CCDC7: variants seen among roughly 807,000 people sequenced by gnomAD.
CCDC7 encodes coiled-coil domain containing 7, also known as coiled-coil domain-containing protein 7.
A neutral mutation model predicts 196.9 loss-of-function variants in CCDC7; 183 were observed. The observed-to-expected ratio is 0.93, with a 90% confidence interval of 0.82 to 1.05. The LOEUF is 1.05. Among genes scored for constraint, CCDC7 ranks in the 50% least tolerant of loss-of-function variants. The probability of loss-of-function intolerance (pLI) is 0.00; values close to 1 mark genes in which losing one functional copy is unlikely to be tolerated. For synonymous variants in CCDC7, 525 were observed against 484.6 expected, an observed-to-expected ratio of 1.08 and a Z score of -1.10; for missense variants, 1,540 against 1,482.2, an observed-to-expected ratio of 1.04 and a Z score of -0.64.
intron 18 of CCDC7, among the ~76,000 whole-genome samples, chr10:32,627,700 G>A (rs2064250861): frequency 6.7e-6 from 1 of 150,008 alleles, no homozygotes; most frequent in African/African-American, 2.5e-5. Context: ...GTAATTTGGT[G>A]AGAGTTTTTT....
At chr10:32,806,030 A>G (rs1412575284) in intron 30 of CCDC7, among the ~76,000 whole-genome samples, 1 of 152,162 alleles carries the variant, frequency 6.6e-6, no homozygotes, top group African/African-American at 2.4e-5. Flanking sequence ...ACTGGATCTC[A>G]CAAGAACTCA....
At chr10:32,465,624 TTA>T (rs1432566783) in intron 5 of CCDC7, among the ~76,000 whole-genome samples, 3 of 152,158 alleles carry the variant, frequency 2.0e-5, no homozygotes, top group Non-Finnish European at 4.4e-5. Context: ...CCTCAAAGTT[TTA>T]TCCTATGCCT....
intron 33 of CCDC7, among the ~76,000 whole-genome samples, chr10:32,842,145 T>C (rs1243289401): frequency 1.3e-5 from 2 of 151,980 alleles, no homozygotes; most frequent in Non-Finnish European, 2.9e-5. Context: ...AAAGAAATTA[T>C]CAGCAGAGTT....
At chr10:32,655,054 C>T (rs1486771204) in intron 20 of CCDC7, among the ~76,000 whole-genome samples, 3 of 152,136 alleles carry the variant, frequency 2.0e-5, no homozygotes, top group Non-Finnish European at 4.4e-5. Context: ...AGATATATAC[C>T]TTGACAGTGC....
intron 18 of CCDC7, among the ~76,000 whole-genome samples, chr10:32,602,748 C>G (rs1026993743): frequency 6.6e-6 from 1 of 152,060 alleles, no homozygotes; most frequent in Non-Finnish European, 1.5e-5. Flanking sequence ...AGTTGAGTAA[C>G]TTAATGTAGT....
At chr10:32,462,697 T>G in exon 4 of CCDC7, 1 of 1,457,522 alleles carries the variant, frequency 6.9e-7, no homozygotes, top group Non-Finnish European at 9.3e-7. Flanking sequence ...TGGAATCTCT[T>G]TTTAAGGTAC....
chr10:32,652,953 G>T (rs993876186), intron 20 of CCDC7, among the ~76,000 whole-genome samples: 1 of 152,130 alleles, frequency 6.6e-6, no homozygotes, highest in Admixed American at 6.5e-5. Flanking sequence ...ATCAGATTGA[G>T]TAACTTCCTT....
At chr10:32,554,208 G>A (rs559935980) in intron 13 of CCDC7, among the ~76,000 whole-genome samples, 2 of 152,340 alleles carry the variant, frequency 1.3e-5, no homozygotes, top group Non-Finnish European at 2.9e-5. Flanking sequence ...GACGGTGGGC[G>A]AGTTGGGCTT....
intron 20 of CCDC7, among the ~76,000 whole-genome samples, chr10:32,647,510 CTT>C (rs1044860162): frequency 6.1e-3 from 97 of 15,816 alleles, no homozygotes; most frequent in African/African-American, 0.013. Flanking sequence ...AGTTTTTTGA[CTT>C]TTTAATAATA....
chr10:32,733,961 C>T (rs887193731), intron 28 of CCDC7, among the ~76,000 whole-genome samples: 1 of 152,128 alleles, frequency 6.6e-6, no homozygotes, highest in Non-Finnish European at 1.5e-5. Context: ...GAAAAGAGAA[C>T]ACTTACACAC....
chr10:32,596,867 G>A (rs1269871084), intron 18 of CCDC7, among the ~76,000 whole-genome samples: 1 of 152,156 alleles, frequency 6.6e-6, no homozygotes, highest in Non-Finnish European at 1.5e-5. Context: ...ACTCTCTTCT[G>A]GCTTGTAGAG....
At chr10:32,489,871 C>T (rs2041882353) in intron 8 of CCDC7, among the ~76,000 whole-genome samples, 1 of 151,728 alleles carries the variant, frequency 6.6e-6, no homozygotes, top group South Asian at 2.1e-4. Flanking sequence ...ACTCTGTGGT[C>T]TGGGTCACAC....
At chr10:32,681,354 T>A (rs553803288) in intron 21 of CCDC7, among the ~76,000 whole-genome samples, 1 of 152,278 alleles carries the variant, frequency 6.6e-6, no homozygotes, top group Admixed American at 6.5e-5. Flanking sequence ...GGATTTCCTC[T>A]ACCCCACTAC....
chr10:32,483,555 C>T (rs1003787538), intron 8 of CCDC7, among the ~76,000 whole-genome samples: 2 of 152,180 alleles, frequency 1.3e-5, no homozygotes, highest in African/African-American at 4.8e-5. Context: ...GTGTTTTAGA[C>T]ATGAAGTCCT....
chr10:32,523,720 T>C (rs1170542927), intron 11 of CCDC7, among the ~76,000 whole-genome samples: 1 of 149,200 alleles, frequency 6.7e-6, no homozygotes, highest in Non-Finnish European at 1.5e-5. Flanking sequence ...TCTTTGTCAT[T>C]ATATAATGAC....
chr10:32,673,653 A>T (rs867597801), intron 21 of CCDC7, among the ~76,000 whole-genome samples: 8 of 120,680 alleles, frequency 6.6e-5, no homozygotes, highest in African/African-American at 3.1e-4. Context: ...ACCATTGTGC[A>T]CGTGTGTGTG....
intron 28 of CCDC7, among the ~76,000 whole-genome samples, chr10:32,765,965 C>G (rs12359069): frequency 0.14 from 20,749 of 151,762 alleles, 1,766 homozygotes; most frequent in East Asian, 0.25. Flanking sequence ...AAGGGTATAT[C>G]AGTTCTCCCA....
At chr10:32,717,375 T>A (rs1195577672) in intron 25 of CCDC7, among the ~76,000 whole-genome samples, 1 of 152,158 alleles carries the variant, frequency 6.6e-6, no homozygotes, top group African/African-American at 2.4e-5. Context: ...GGAACACATT[T>A]AAAGCAGTGT....
intron 9 of CCDC7, chr10:32,511,274 G>GA (rs3031280): frequency 4.5e-5 from 35 of 775,042 alleles, no homozygotes; most frequent in South Asian, 9.3e-5. Flanking sequence ...GGGGGGCGGG[G>GA]AAATGTACTT....
Sources: gnomAD v4.1 joint callset for allele counts (sites outside exome capture counted in the v4.1 genomes callset) on GRCh38, gnomAD v4.1.1 for gene constraint, MANE v1.5 for transcripts, NCBI Gene and HGNC (gene_info 2026-07-23, HGNC 2026-07-21) for gene names.